TYR: variants seen among roughly 807,000 people sequenced by gnomAD.
The protein encoded by TYR is tyrosinase.
A neutral mutation model predicts 51.5 loss-of-function variants in TYR; 58 were observed. That is an observed-to-expected ratio of 1.13 (90% confidence interval 0.91 to 1.40). The LOEUF is 1.40. Among genes scored for constraint, TYR ranks in the 40% most tolerant of loss-of-function variants. TYR has a pLI of 0.00. For synonymous variants in TYR, 263 were observed against 235.2 expected, an observed-to-expected ratio of 1.12 and a Z score of -1.08; for missense variants, 732 against 647.4, an observed-to-expected ratio of 1.13 and a Z score of -1.42.
chr11:89,284,070 C>G (rs901762057), intron 3 of TYR: 8 of 151,888 alleles, frequency 5.3e-5, no homozygotes, highest in African/African-American at 1.9e-4. Context: ...CCCCTGAAAA[C>G]TAAATATTGT....
chr11:89,243,644 C>T lies in TYR; in HGVS notation c.1184+15674C>T, dbSNP rs185731163. 3.0e-3 allele frequency among the ~76,000 whole-genome samples: 458 copies of T among 152,126 alleles called. 3 individuals carry two copies. The highest frequency in any genetic ancestry group is 9.9e-3 in the African/African-American group (411 of 41,492). On this transcript the variant is annotated intron_variant, in intron 3 of 4. Coordinates refer to ENST00000263321, the MANE Select transcript of TYR (RefSeq NM_000372.5). The stretch of plus-strand genomic sequence containing the variant: ...TAGTTTTCTGTGCTCAGGGTAATTC[C>T]CAGCACACAATGTTTAATCGAATTA...
intron 2 of TYR, among the ~76,000 whole-genome samples, chr11:89,193,198 A>G (rs1166437395): frequency 6.6e-6 from 1 of 152,182 alleles, no homozygotes; most frequent in Non-Finnish European, 1.5e-5. Context: ...GCGAAGCTAC[A>G]TCTTTAAGGA....
At chr11:89,214,382 A>C (rs190772273) in intron 2 of TYR, among the ~76,000 whole-genome samples, 11 of 152,324 alleles carry the variant, frequency 7.2e-5, no homozygotes, top group African/African-American at 2.4e-4. Context: ...TCAGGAAACA[A>C]CAGATGCTAG....
intron 3 of TYR, among the ~76,000 whole-genome samples, chr11:89,232,170 A>G (rs1214207240): frequency 7.0e-6 from 1 of 143,296 alleles, no homozygotes; most frequent in Non-Finnish European, 1.5e-5. Context: ...GTCATTCACA[A>G]TGTATGTATA....
At chr11:89,262,847 CAAAAAAAAAAA>C (rs771958187) in intron 3 of TYR, among the ~76,000 whole-genome samples, 2 of 19,304 alleles carry the variant, frequency 1.0e-4, no homozygotes, top group East Asian at 1.9e-3. Context: ...GCTACTCATC[CAAAAAAAAAAA>C]AAAAAAAAAA....
chr11:89,291,421 T>C (rs1944852037), intron 4 of TYR, among the ~76,000 whole-genome samples: 1 of 152,028 alleles, frequency 6.6e-6, no homozygotes, highest in African/African-American at 2.4e-5. Context: ...TTATATCATC[T>C]ATTAATTGCA....
Position 89,284,765 on chromosome 11 carries a change from C to T in TYR, c.1185-8C>T. ...GTTTCTTAGTCTGAATAACCTTTTC[C>T]TCTGCAGTATTTTTGAGCAGTGGCT... is the stretch of plus-strand genomic sequence containing the variant. On this transcript the variant is annotated splice_region_variant and splice_polypyrimidine_tract_variant and intron_variant, in intron 3 of 4. Coordinates refer to ENST00000263321, the MANE Select transcript of TYR (RefSeq NM_000372.5). 1.9e-6 allele frequency: 3 copies of T among 1,611,096 alleles called. No homozygotes were observed. The highest frequency in any genetic ancestry group is 1.7e-6 in the Non-Finnish European group (2 of 1,178,024).
At chr11:89,247,765 T>A (rs2135296907) in intron 3 of TYR, among the ~76,000 whole-genome samples, 1 of 152,190 alleles carries the variant, frequency 6.6e-6, no homozygotes, top group African/African-American at 2.4e-5. Context: ...GCCCTGCAGA[T>A]TAGGAGATCC....
At chr11:89,192,601 C>A (rs779823353) in intron 2 of TYR, among the ~76,000 whole-genome samples, 1 of 151,996 alleles carries the variant, frequency 6.6e-6, no homozygotes, top group Non-Finnish European at 1.5e-5. Flanking sequence ...TATTCAAAAC[C>A]ATAATCTCAG....
chr11:89,270,968 A>G (rs1385354162), intron 3 of TYR, among the ~76,000 whole-genome samples: 1 of 151,916 alleles, frequency 6.6e-6, no homozygotes, highest in African/African-American at 2.4e-5. Context: ...CTGCAATGCA[A>G]TATGACAAAT....
chr11:89,190,286 C>T (rs1355787123), intron 1 of TYR, among the ~76,000 whole-genome samples: 5 of 152,066 alleles, frequency 3.3e-5, no homozygotes, highest in Non-Finnish European at 7.4e-5. Context: ...GAGATGATAG[C>T]TCCATGTGTA....
intron 2 of TYR, among the ~76,000 whole-genome samples, chr11:89,205,487 T>A (rs1267617740): frequency 6.6e-6 from 1 of 152,032 alleles, no homozygotes; most frequent in Non-Finnish European, 1.5e-5. Flanking sequence ...AAACAAATAT[T>A]CAAAGTAGTG....
intron 4 of TYR, chr11:89,294,069 A>G (rs1286163335): frequency 5.7e-6 from 1 of 174,998 alleles, no homozygotes; most frequent in Admixed American, 6.4e-5. Context: ...GAATGTTTCA[A>G]TTAACTCTGG....
At chr11:89,248,285 AT>A (rs1449949841) in intron 3 of TYR, among the ~76,000 whole-genome samples, 2 of 152,220 alleles carry the variant, frequency 1.3e-5, no homozygotes, top group East Asian at 3.8e-4. Flanking sequence ...CAGAAAAGAA[AT>A]AAATAAGCAC....
intron 3 of TYR, among the ~76,000 whole-genome samples, chr11:89,260,455 G>A (rs1944443976): frequency 6.6e-6 from 1 of 151,908 alleles, no homozygotes; most frequent in Non-Finnish European, 1.5e-5. Flanking sequence ...TCTATATCTG[G>A]CAATGTTATT....
At chr11:89,186,322 T>C (rs1326464463) in intron 1 of TYR, among the ~76,000 whole-genome samples, 1 of 152,204 alleles carries the variant, frequency 6.6e-6, no homozygotes, top group Non-Finnish European at 1.5e-5. Context: ...GGTGTTGAAA[T>C]TCTTATTAAT....
Position 89,191,292 on chromosome 11 carries a change from CATGA to C in TYR, c.911_914del (p.His304ProfsTer14), listed in dbSNP as rs766996625. On this transcript the variant is annotated frameshift_variant, in exon 2 of 5. Transcript: ENST00000263321. LOFTEE classifies it high-confidence loss of function. ...ACCTTTACGGCGTAATCCTGGAAACCATGACAAATCCAGAACCCCAAGGCTCCCC... is the reference window on the plus strand; with the variant it reads ...ACCTTTACGGCGTAATCCTGGAAACCCAAATCCAGAACCCCAAGGCTCCCC... 2.5e-6 allele frequency: 4 copies of C among 1,613,698 alleles called. No homozygotes were observed. The highest frequency in any genetic ancestry group is 3.4e-6 in the Non-Finnish European group (4 of 1,179,804).
chr11:89,259,425 C>G (rs1396872353), intron 3 of TYR, among the ~76,000 whole-genome samples: 1 of 152,056 alleles, frequency 6.6e-6, no homozygotes, highest in African/African-American at 2.4e-5. Flanking sequence ...GCCAAGCAGG[C>G]AGACTACCCA....
chr11:89,237,273 T>C (rs1225488661), intron 3 of TYR, among the ~76,000 whole-genome samples: 4 of 152,186 alleles, frequency 2.6e-5, no homozygotes, highest in African/African-American at 9.6e-5. Flanking sequence ...TCCAAAAATA[T>C]TGCCCAGACC....
Sources: gnomAD v4.1 joint callset for allele counts (sites outside exome capture counted in the v4.1 genomes callset) on GRCh38, gnomAD v4.1.1 for gene constraint, MANE v1.5 for transcripts, NCBI Gene and HGNC (gene_info 2026-07-23, HGNC 2026-07-21) for gene names.